The following ANK3 variants were observed in gnomAD, a reference collection of about 807,000 sequenced individuals.
ANK3 encodes the protein ankyrin-3.
A neutral mutation model predicts 370.9 loss-of-function variants in ANK3; 57 were observed. The observed-to-expected ratio is 0.15, with a 90% CI of 0.12 to 0.19. The LOEUF (loss-of-function observed/expected upper bound fraction) is 0.19. Among genes scored for constraint, ANK3 ranks in the 10% least tolerant of loss-of-function variants. ANK3 has a pLI of 1.00. For synonymous variants in ANK3, 1,929 were observed against 1,946.3 expected, an observed-to-expected ratio of 0.99 and a Z score of 0.23; for missense variants, 4,439 against 5,302.1, an observed-to-expected ratio of 0.84 and a Z score of 5.06.
chr10:60,692,292 C>T (rs750094612), intron 1 of ANK3, among the ~76,000 whole-genome samples: 1 of 152,186 alleles, frequency 6.6e-6, no homozygotes, highest in Non-Finnish European at 1.5e-5. Flanking sequence ...CACCCAGCTG[C>T]TGTACATCTT....
chr10:60,512,183 C>T (rs1418552890), intron 2 of ANK3, among the ~76,000 whole-genome samples: 1 of 151,862 alleles, frequency 6.6e-6, no homozygotes, highest in African/African-American at 2.4e-5. Flanking sequence ...TCCCAGAAGT[C>T]AGGGAAGTAA....
chr10:60,312,224 G>A (rs76689498), intron 1 of ANK3, among the ~76,000 whole-genome samples: 4,582 of 152,218 alleles, frequency 0.03, 232 homozygotes, highest in African/African-American at 0.1. Context: ...GGAAGGAGGA[G>A]AAGAAAACCA....
chr10:60,600,536 A>T (rs553585807), intron 2 of ANK3, among the ~76,000 whole-genome samples: 97 of 152,162 alleles, frequency 6.4e-4, no homozygotes, highest in African/African-American at 2.3e-3. Context: ...CTCTAAAATG[A>T]TCTTTTCCAT....
intron 1 of ANK3, among the ~76,000 whole-genome samples, chr10:60,643,361 T>C (rs2078661721): frequency 6.6e-6 from 1 of 152,176 alleles, no homozygotes; most frequent in Admixed American, 6.6e-5. Context: ...CTTTCTCCTG[T>C]ACTGGATGCT....
chr10:60,220,337 T>TC (rs1394723334), intron 8 of ANK3, among the ~76,000 whole-genome samples: 1 of 152,112 alleles, frequency 6.6e-6, no homozygotes, highest in Non-Finnish European at 1.5e-5. Flanking sequence ...AATGGACCCC[T>TC]CCTCTCAGCC....
intron 2 of ANK3, among the ~76,000 whole-genome samples, chr10:60,558,313 G>A (rs566067065): frequency 3.3e-5 from 5 of 152,286 alleles, no homozygotes; most frequent in African/African-American, 1.2e-4. Flanking sequence ...AATACAAACA[G>A]TTGTGGCAAT....
intron 18 of ANK3, among the ~76,000 whole-genome samples, chr10:60,180,423 C>G (rs1591361591): frequency 6.6e-6 from 1 of 151,782 alleles, no homozygotes; most frequent in East Asian, 1.9e-4. Context: ...TGGTGAAACC[C>G]CGTCTCCACT....
chr10:60,553,706 T>G (rs557543258), intron 2 of ANK3, among the ~76,000 whole-genome samples: 64 of 152,268 alleles, frequency 4.2e-4, no homozygotes, highest in Non-Finnish European at 7.4e-5. Context: ...CTGAAATCAG[T>G]ATTTGAACAA....
intron 2 of ANK3, among the ~76,000 whole-genome samples, chr10:60,444,123 G>A (rs749265182): frequency 6.6e-6 from 1 of 151,712 alleles, no homozygotes; most frequent in Non-Finnish European, 1.5e-5. Context: ...ATGGGATTGT[G>A]TTTATTTTCT....
chr10:60,508,474 CCT>C (rs2075996292), intron 2 of ANK3: 1 of 152,496 alleles, frequency 6.6e-6, no homozygotes, highest in Non-Finnish European at 1.5e-5. Context: ...CAGCACTTAC[CCT>C]CTCTCTTAGG....
chr10:60,618,755 A>G (rs2078296956), intron 1 of ANK3, among the ~76,000 whole-genome samples: 1 of 152,128 alleles, frequency 6.6e-6, no homozygotes, highest in Admixed American at 6.6e-5. Context: ...GATTTGGCCC[A>G]TCCGCTTTCC....
rs1162447616 is a variant in ANK3 at position 60,469,238 on chromosome 10, T to C, written c.96+145948A>G. Among the ~76,000 whole-genome samples, 3 of 134,628 alleles carry C rather than the reference T, an allele frequency of 2.2e-5. 1 individual carries two copies. The Admixed American group carries it at 2.3e-4, about 10-fold the overall frequency. 88.3% of individuals were successfully genotyped at this position (134,628 alleles called of 152,430 possible). A position where few individuals can be genotyped will look rare whatever the true frequency, so the allele number is the denominator to read the frequency against. ...CTTTTAGTGCATATATATATATATATACCACTTTTAGTGTGTGTATATATA... is the reference window on the plus strand; with the variant it reads ...CTTTTAGTGCATATATATATATATACACCACTTTTAGTGTGTGTATATATA... On this transcript the variant is annotated intron_variant, in intron 2 of 43. Coordinates refer to the ANK3 transcript ENST00000373827.
intron 8 of ANK3, among the ~76,000 whole-genome samples, chr10:60,223,444 T>C (rs2097093882): frequency 6.6e-6 from 1 of 152,230 alleles, no homozygotes; most frequent in Non-Finnish European, 1.5e-5. Flanking sequence ...ATGAATAATT[T>C]TTTAATTTAA....
intron 1 of ANK3, among the ~76,000 whole-genome samples, chr10:60,729,605 C>A (rs1192542838): frequency 6.6e-6 from 1 of 152,104 alleles, no homozygotes; most frequent in Non-Finnish European, 1.5e-5. Context: ...ATGACAGCGC[C>A]AAAGCATCAT....
At chr10:60,674,555 C>T (rs1419021574) in intron 1 of ANK3, among the ~76,000 whole-genome samples, 2 of 152,180 alleles carry the variant, frequency 1.3e-5, no homozygotes, top group Non-Finnish European at 2.9e-5. Context: ...GCCTGCATGA[C>T]CCAAGTACCT....
chr10:60,054,541 G>T lies in ANK3; in HGVS notation c.13065+1117C>A, dbSNP rs115566790. Among the ~76,000 whole-genome samples, 623 of 152,174 alleles carry T rather than the reference G, an allele frequency of 4.1e-3. 4 individuals are homozygous for T. Among genetic ancestry groups the T allele is most frequent in the African/African-American group, 0.015 (605 of 41,542 alleles). On this transcript the variant is annotated intron_variant, in intron 42 of 43. Coordinates refer to ENST00000280772, the MANE Select transcript of ANK3 (RefSeq NM_020987.5). ...CAGGGAAAAAAAAATAGATGATCTAGAACTAAACTTCCTCTTACTCTCCCT... is the reference window on the plus strand; with the variant it reads ...CAGGGAAAAAAAAATAGATGATCTATAACTAAACTTCCTCTTACTCTCCCT...
At chr10:60,282,141 G>A (rs891089653) in intron 1 of ANK3, among the ~76,000 whole-genome samples, 11 of 152,258 alleles carry the variant, frequency 7.2e-5, no homozygotes, top group East Asian at 3.9e-4. Context: ...CTCTGATGCC[G>A]TTCTGGGAAC....
chr10:60,673,318 C>G (rs1485587802), intron 1 of ANK3, among the ~76,000 whole-genome samples: 2 of 151,812 alleles, frequency 1.3e-5, no homozygotes, highest in Non-Finnish European at 2.9e-5. Flanking sequence ...GATTAGAGAT[C>G]TAACTTTAAT....
chr10:60,532,258 C>T (rs1404505129), intron 2 of ANK3, among the ~76,000 whole-genome samples: 3 of 152,104 alleles, frequency 2.0e-5, no homozygotes, highest in African/African-American at 7.2e-5. Flanking sequence ...GTATGTGTGG[C>T]CATCTTTGTG....
Sources: allele counts gnomAD v4.1 joint callset (sites outside exome capture counted in the v4.1 genomes callset), GRCh38; gene constraint gnomAD v4.1.1; transcripts MANE v1.5; gene names NCBI Gene and HGNC (gene_info 2026-07-23, HGNC 2026-07-21).